LARS2: variants seen among roughly 807,000 people sequenced by gnomAD.
The protein encoded by LARS2 is leucyl-tRNA synthetase 2, mitochondrial, also known as leucine--tRNA ligase, mitochondrial.
Under a neutral mutation model 116.6 loss-of-function variants are expected in LARS2, and 81 were observed. The ratio of observed to expected loss-of-function variants is 0.69; its 90% CI spans 0.58 to 0.84. The LOEUF is 0.84. Among genes scored for constraint, LARS2 ranks in the 40% least tolerant of loss-of-function variants. The pLI is 0.00. For missense variants in LARS2, 968 were observed against 1,114.5 expected (o/e 0.87, Z 1.87); for synonymous variants, 396 against 407.2 (o/e 0.97, Z 0.33).
intron 15 of LARS2, among the ~76,000 whole-genome samples, chr3:45,505,913 T>A (rs1700194822): frequency 6.6e-6 from 1 of 152,052 alleles, no homozygotes; most frequent in Non-Finnish European, 1.5e-5. Context: ...AAGACTATAT[T>A]CAAGCAGGAA....
At chr3:45,442,114 T>C (rs1362530336) in intron 6 of LARS2, among the ~76,000 whole-genome samples, 1 of 152,248 alleles carries the variant, frequency 6.6e-6, no homozygotes, top group Non-Finnish European at 1.5e-5. Context: ...CTGACTTTTG[T>C]ATTGAAAACA....
At position 45,470,183 on chromosome 3, in the gene LARS2, C is replaced by T. The variant is rs73830413; in HGVS notation, c.751-4060C>T. Among the ~76,000 whole-genome samples, 278 of 152,242 alleles carry T rather than the reference C, an allele frequency of 1.8e-3. 1 individual carries two copies. The highest frequency in any genetic ancestry group is 6.0e-3 in the African/African-American group (251 of 41,548). On this transcript the variant is annotated intron_variant, in intron 8 of 21. Coordinates refer to ENST00000645846, the MANE Select transcript of LARS2 (RefSeq NM_015340.4). ...CTAGAATTCTCATTTGTGGTCATGT[C>T]GTACCTTGTTCTTAATGCTTCAGCT...
intron 6 of LARS2, among the ~76,000 whole-genome samples, chr3:45,434,696 A>T (rs990373468): frequency 2.0e-5 from 3 of 152,186 alleles, no homozygotes; most frequent in African/African-American, 7.2e-5. Flanking sequence ...ATTTTACTTA[A>T]ACCTTATATT....
chr3:45,392,514 C>T (rs1368017822), intron 2 of LARS2, among the ~76,000 whole-genome samples: 1 of 152,040 alleles, frequency 6.6e-6, no homozygotes, highest in African/African-American at 2.4e-5. Flanking sequence ...AGATTGGTCT[C>T]GAACTCCTGA....
chr3:45,430,721 A>T (rs1456234907), intron 6 of LARS2, among the ~76,000 whole-genome samples: 1 of 146,704 alleles, frequency 6.8e-6, no homozygotes, highest in Admixed American at 6.8e-5. Context: ...AGTAGCTGGG[A>T]CTACAGGCGC....
At chr3:45,399,514 CT>C (rs368787243) in intron 3 of LARS2, among the ~76,000 whole-genome samples, 38 of 152,026 alleles carry the variant, frequency 2.5e-4, no homozygotes, top group African/African-American at 8.9e-4. Context: ...AGTAGCCATT[CT>C]TTTATCCCTT....
chr3:45,515,391 TG>T (rs1700356981), intron 16 of LARS2, among the ~76,000 whole-genome samples: 1 of 152,236 alleles, frequency 6.6e-6, no homozygotes, highest in African/African-American at 2.4e-5. Context: ...ACTGAGTTTC[TG>T]TATCTCTTAG....
At chr3:45,427,914 C>T (rs1223570705) in intron 6 of LARS2, among the ~76,000 whole-genome samples, 1 of 151,316 alleles carries the variant, frequency 6.6e-6, no homozygotes, top group African/African-American at 2.4e-5. Flanking sequence ...CTCTGCCTCC[C>T]TCATTGAAGC....
At position 45,500,439 on chromosome 3, in the gene LARS2, C is replaced by T; in HGVS notation, c.1623-3C>T. On this transcript the variant is annotated splice_polypyrimidine_tract_variant and splice_region_variant and intron_variant, in intron 14 of 21. Transcript: ENST00000645846. ...TAAAAATGCCTCCATCTCTTTTTTA[C>T]AGCCCTTTTAACACAGCAGTGGCCG... 1 of 1,594,878 alleles carries T rather than the reference C, an allele frequency of 6.3e-7. No homozygotes were observed. The highest frequency in any genetic ancestry group is 8.5e-7 in the Non-Finnish European group (1 of 1,174,446).
At chr3:45,520,124 T>A in intron 18 of LARS2, 95 bp from the exon 19 acceptor site, 1 of 807,294 alleles carries the variant, frequency 1.2e-6, no homozygotes, top group Non-Finnish European at 2.2e-6. Context: ...TGCATCCCAT[T>A]CATTTTCCTT....
At chr3:45,455,397 T>G (rs1255446068) in intron 7 of LARS2, among the ~76,000 whole-genome samples, 1 of 152,068 alleles carries the variant, frequency 6.6e-6, no homozygotes, top group Non-Finnish European at 1.5e-5. Context: ...CTTTTATGTT[T>G]CATACAGTTT....
At chr3:45,539,605 T>A (rs1028443484) in intron 20 of LARS2, among the ~76,000 whole-genome samples, 5 of 152,132 alleles carry the variant, frequency 3.3e-5, no homozygotes, top group Admixed American at 6.6e-5. Context: ...CACTCCAGCC[T>A]GGATGACAGA....
intron 6 of LARS2, among the ~76,000 whole-genome samples, chr3:45,444,675 A>AAC (rs1257590418): frequency 1.4e-4 from 21 of 150,260 alleles, no homozygotes; most frequent in Admixed American, 6.6e-5. Context: ...AAAAAAAAAA[A>AAC]AAAAAAAAAA....
chr3:45,473,689 TTG>T (rs1487051384), intron 8 of LARS2, among the ~76,000 whole-genome samples: 2,263 of 150,346 alleles, frequency 0.015, 41 homozygotes, highest in African/African-American at 0.049. Flanking sequence ...TGGCCTGTTG[TTG>T]TTTTTTTTTT....
chr3:45,538,552 T>C (rs1333691077), intron 20 of LARS2: 1 of 152,230 alleles, frequency 6.6e-6, no homozygotes, highest in Non-Finnish European at 1.5e-5. Flanking sequence ...GCACATCTGT[T>C]AGACACAGAA....
intron 8 of LARS2, among the ~76,000 whole-genome samples, chr3:45,465,286 T>C (rs1482218689): frequency 6.6e-5 from 10 of 152,216 alleles, no homozygotes; most frequent in Non-Finnish European, 2.9e-5. Flanking sequence ...GCGTCTTTTC[T>C]CTCCTAAGCT....
At chr3:45,409,136 T>C (rs1698283862) in intron 4 of LARS2, among the ~76,000 whole-genome samples, 3 of 152,210 alleles carry the variant, frequency 2.0e-5, no homozygotes, top group African/African-American at 7.2e-5. Flanking sequence ...AGTTAACTTC[T>C]AGGAAGTTGA....
chr3:45,424,616 C>G (rs1698564036), intron 6 of LARS2, among the ~76,000 whole-genome samples: 1 of 152,192 alleles, frequency 6.6e-6, no homozygotes, highest in South Asian at 2.1e-4. Context: ...CTGAGAGCAG[C>G]CAGAATTGTC....
intron 8 of LARS2, among the ~76,000 whole-genome samples, chr3:45,463,448 A>G (rs1328583913): frequency 6.6e-6 from 1 of 152,172 alleles, no homozygotes; most frequent in African/African-American, 2.4e-5. Flanking sequence ...TTTGCCTCTC[A>G]TTTCCTACCT....
Sources: gnomAD v4.1 joint callset for allele counts (sites outside exome capture counted in the v4.1 genomes callset) on GRCh38, gnomAD v4.1.1 for gene constraint, MANE v1.5 for transcripts, NCBI Gene and HGNC (gene_info 2026-07-23, HGNC 2026-07-21) for gene names.